Variants in PODN observed in about 807,000 individuals in gnomAD.
The protein encoded by PODN is podocan proteoglycan.
A neutral mutation model predicts 52.7 loss-of-function variants in PODN; 40 were observed. That is an observed-to-expected ratio of 0.76 (90% CI 0.59 to 0.99). The LOEUF is 0.99. PODN is among the 50% of genes least tolerant of loss of function. The probability of loss-of-function intolerance (pLI) is 0.00; values close to 1 mark genes in which losing one functional copy is unlikely to be tolerated. For synonymous variants in PODN, 396 were observed against 377.9 expected, an observed-to-expected ratio of 1.05 and a Z score of -0.56; for missense variants, 720 against 815.1, an observed-to-expected ratio of 0.88 and a Z score of 1.42.
chr1:53,077,826 T>A, intron 7 of PODN, 26 bp downstream of exon 7: 1 of 1,602,028 alleles, frequency 6.2e-7, no homozygotes, highest in Non-Finnish European at 8.5e-7. Flanking sequence ...ACCAGGTCCT[T>A]GGCGTGACCA....
chr1:53,072,551 T>A (rs928733852), intron 3 of PODN, among the ~76,000 whole-genome samples: 3 of 152,134 alleles, frequency 2.0e-5, no homozygotes, highest in Admixed American at 2.0e-4. Context: ...CTGCAGCAAC[T>A]GGGAGTACGT....
rs368656843 is a variant in PODN at position 53,078,920 on chromosome 1, G to A, written c.1410G>A (p.Ala470=). The A allele has an allele frequency of 2.7e-5, 43 of 1,599,992 alleles. No homozygotes were observed. Among genetic ancestry groups the A allele is most frequent in the Non-Finnish European group, 3.2e-5 (38 of 1,173,714 alleles). The part of the protein sequence containing the change: ...RNELAALARG[A]LVGMAQLREL... ...AGCTGGCTGCCTTGGCACGAGGGGC[G>A]CTGGTGGGCATGGCTCAGCTGCGTG... Residue 470 remains alanine, a synonymous_variant, in exon 8 of 11, where the codon GCG becomes GCA. Transcript: ENST00000312553.
chr1:53,074,634 G>A lies in PODN; in HGVS notation c.435G>A (p.Leu145=). 5.0e-6 allele frequency: 8 copies of A among 1,614,096 alleles called. No individual in the cohort carries two copies. The highest frequency in any genetic ancestry group is 6.8e-6 in the Non-Finnish European group (8 of 1,180,030). ...RGLPEKAFEH[L]TNLNYLYLAN... is the part of the protein sequence containing the mutation. ...TCCCAGAGAAGGCGTTTGAGCATCTGACCAACCTCAATTACCTGTACTTGG... is the reference window on the plus strand; with the variant it reads ...TCCCAGAGAAGGCGTTTGAGCATCTAACCAACCTCAATTACCTGTACTTGG... The change falls in exon 4 of 11, where the codon CTG becomes CTA. Residue 145 remains leucine (L), a synonymous_variant. Transcript: ENST00000312553.
At chr1:53,076,899 G>A (rs1644202180) in intron 5 of PODN, among the ~76,000 whole-genome samples, 1 of 152,162 alleles carries the variant, frequency 6.6e-6, no homozygotes, top group Non-Finnish European at 1.5e-5. Context: ...CTCCAGGGCT[G>A]AAAGGGTCAG....
intron 4 of PODN, among the ~76,000 whole-genome samples, chr1:53,074,984 G>A (rs1265674611): frequency 6.6e-6 from 1 of 152,144 alleles, no homozygotes; most frequent in African/African-American, 2.4e-5. Context: ...GGGGCATGGA[G>A]GGTAATAGGA....
At chr1:53,063,945 C>G (rs1448231846) in intron 1 of PODN, among the ~76,000 whole-genome samples, 1 of 152,148 alleles carries the variant, frequency 6.6e-6, no homozygotes, top group African/African-American at 2.4e-5. Context: ...TCCCTCTCCT[C>G]TAGCCCCACC....
intron 10 of PODN, 146 bp downstream of exon 10, chr1:53,082,334 T>G: frequency 8.3e-7 from 1 of 1,199,272 alleles, no homozygotes; most frequent in South Asian, 1.8e-5. Flanking sequence ...GCACTTGGGA[T>G]GTACCAGGCC....
chr1:53,075,972 G>T lies in PODN; in HGVS notation c.581+1G>T. On this transcript the variant is annotated splice_donor_variant, in intron 5 of 10. Transcript: ENST00000312553. LOFTEE classifies it high-confidence loss of function. ...CCTTTGGCCAGAAGCCAAACTTGAG[G>T]TCAGAGGTCGGGGGTGGTCAGGGCT... 6.3e-7 allele frequency: 1 copy of T among 1,577,514 alleles called. No homozygotes were observed. The highest frequency in any genetic ancestry group is 8.6e-7 in the Non-Finnish European group (1 of 1,158,806).
intron 9 of PODN, among the ~76,000 whole-genome samples, chr1:53,081,332 G>T (rs180686432): frequency 6.6e-6 from 1 of 152,240 alleles, no homozygotes; most frequent in Admixed American, 6.5e-5. Context: ...ATGCAGCAGA[G>T]CCAGGGTGGT....
chr1:53,075,945 C>G lies in PODN; in HGVS notation c.555C>G (p.Leu185=), dbSNP rs1340339860. 2 of 1,598,428 alleles carry G rather than the reference C, an allele frequency of 1.3e-6. No individual in the cohort carries two copies. The highest frequency in any genetic ancestry group is 1.7e-6 in the Non-Finnish European group (2 of 1,170,928). ...AANYLTKIYG[L]TFGQKPNLRS... is the part of the protein sequence containing the mutation. ...ACTATCTCACCAAGATCTATGGGCT[C>G]ACCTTTGGCCAGAAGCCAAACTTGA... The change falls in exon 5 of 11, where the codon CTC becomes CTG. Residue 185 remains leucine, a synonymous_variant. Transcript: ENST00000312553.
intron 1 of PODN, among the ~76,000 whole-genome samples, 161 bp downstream of exon 1, chr1:53,062,469 G>A (rs1643972088): frequency 6.6e-6 from 1 of 151,490 alleles, no homozygotes; most frequent in African/African-American, 2.4e-5. Flanking sequence ...GGCACGGCCG[G>A]AGATCTCCTC....
chr1:53,066,973 C>T (rs971450598), intron 1 of PODN: 2 of 1,156,044 alleles, frequency 1.7e-6, no homozygotes, highest in Non-Finnish European at 2.5e-6. Flanking sequence ...CACACTCTCG[C>T]TCTTAGAACC....
chr1:53,066,989 C>T (rs1644043669), intron 1 of PODN: 1 of 991,404 alleles, frequency 1.0e-6, no homozygotes, highest in African/African-American at 1.6e-5. Flanking sequence ...GAACCCCGGA[C>T]TACAGTGGGG....
At chr1:53,068,204 G>A (rs560965880) in intron 1 of PODN, among the ~76,000 whole-genome samples, 1 of 152,368 alleles carries the variant, frequency 6.6e-6, no homozygotes, top group African/African-American at 2.4e-5. Flanking sequence ...TCACATAAGA[G>A]CCAGAGCTGA....
intron 9 of PODN, among the ~76,000 whole-genome samples, chr1:53,081,080 C>T (rs535696287): frequency 2.0e-5 from 3 of 152,346 alleles, no homozygotes; most frequent in South Asian, 2.1e-4. Flanking sequence ...GAAGCCAGTG[C>T]GCATGGGCGT....
At chr1:53,067,907 C>A (rs1354066112) in intron 1 of PODN, among the ~76,000 whole-genome samples, 2 of 133,996 alleles carry the variant, frequency 1.5e-5, no homozygotes, top group Admixed American at 7.6e-5. Context: ...CAGAGTGAGG[C>A]CTTGTCTTAA....
intron 6 of PODN, 64 bp from the exon 7 acceptor site, chr1:53,077,621 C>G: frequency 6.8e-7 from 1 of 1,470,078 alleles, no homozygotes; most frequent in Non-Finnish European, 9.3e-7. Flanking sequence ...ACACCTCATC[C>G]CGAGGCCCTG....
chr1:53,078,917 G>C lies in PODN; in HGVS notation c.1407G>C (p.Gly469=). The change falls in exon 8 of 11, where the codon GGG becomes GGC. Residue 469 remains glycine (G), a synonymous_variant. Transcript: ENST00000312553. ...KRNELAALAR[G]ALVGMAQLRE... Reference sequence around the variant, plus strand: ...ATGAGCTGGCTGCCTTGGCACGAGGGGCGCTGGTGGGCATGGCTCAGCTGC... The same window carrying C: ...ATGAGCTGGCTGCCTTGGCACGAGGCGCGCTGGTGGGCATGGCTCAGCTGC... The C allele has an allele frequency of 6.3e-7, 1 of 1,599,672 alleles. No homozygotes were observed. Among genetic ancestry groups the C allele is most frequent in the Non-Finnish European group, 8.5e-7 (1 of 1,173,470 alleles).
chr1:53,071,176 A>G, intron 2 of PODN: 1 of 178,422 alleles, frequency 5.6e-6, no homozygotes, highest in East Asian at 1.6e-4. Context: ...CAAGGAGGGG[A>G]AGGAAAAGTG....
Sources: gnomAD v4.1 joint callset for allele counts (sites outside exome capture counted in the v4.1 genomes callset) on GRCh38, gnomAD v4.1.1 for gene constraint, MANE v1.5 for transcripts, NCBI Gene and HGNC (gene_info 2026-07-23, HGNC 2026-07-21) for gene names.